The following MYO1E variants were observed in gnomAD, a reference collection of about 807,000 sequenced individuals.
The protein encoded by MYO1E is unconventional myosin-Ie.
In MYO1E, 68 loss-of-function variants were observed where a neutral mutation model predicts 151.1. That is an observed-to-expected ratio of 0.45 (90% CI 0.37 to 0.55). The LOEUF (loss-of-function observed/expected upper bound fraction) is 0.55, where lower values mean the gene tolerates loss of function less well. Among genes scored for constraint, MYO1E ranks in the 20% least tolerant of loss-of-function variants. The probability of loss-of-function intolerance (pLI) is 0.00; values close to 1 mark genes in which losing one functional copy is unlikely to be tolerated. For missense variants in MYO1E, 1,363 were observed against 1,389.3 expected (o/e 0.98, Z 0.30); for synonymous variants, 601 against 501.7 (o/e 1.20, Z -2.64).
intron 26 of MYO1E, 82 bp downstream of exon 26, chr15:59,153,508 G>A (rs1596343877): frequency 1.4e-6 from 2 of 1,440,556 alleles, no homozygotes; most frequent in Middle Eastern, 2.4e-4. Context: ...TGTATTGACA[G>A]CCCACAGGAA....
rs1295660117 is a variant in MYO1E at position 59,372,458 on chromosome 15, C to G, written c.3+40G>C. On this transcript the variant is annotated intron_variant, in intron 1 of 27. Transcript: ENST00000288235. ...CCACGCCGGGGTTTCCTGCCCCGTC[C>G]CCGGGTCCGGCGTCCTAGGACGCGG... is the stretch of plus-strand genomic sequence containing the variant. 4 of 1,537,070 alleles carry G rather than the reference C, an allele frequency of 2.6e-6. No individual in the cohort carries two copies. In the Admixed American group the frequency reaches 5.9e-5, roughly 23 times the overall value.
chr15:59,235,907 TTTC>T (rs777605403), intron 5 of MYO1E, among the ~76,000 whole-genome samples: 1 of 152,198 alleles, frequency 6.6e-6, no homozygotes, highest in African/African-American at 2.4e-5. Context: ...AATTTGCATT[TTTC>T]TTCTTATCAT....
chr15:59,314,547 C>T (rs2080573809), intron 1 of MYO1E, among the ~76,000 whole-genome samples: 1 of 152,148 alleles, frequency 6.6e-6, no homozygotes, highest in South Asian at 2.1e-4. Flanking sequence ...AGTGATCTCA[C>T]TCCCAGAAAT....
intron 4 of MYO1E, among the ~76,000 whole-genome samples, chr15:59,243,934 G>A (rs1299621841): frequency 6.6e-5 from 10 of 151,672 alleles, no homozygotes; most frequent in African/African-American, 2.4e-4. Context: ...ACAGAAACAA[G>A]TCGGAGGTGA....
chr15:59,268,718 G>GTCTTTTTTTTTTTTTTTTTTTTT (rs1452818863), intron 2 of MYO1E, among the ~76,000 whole-genome samples: 1 of 12,044 alleles, frequency 8.3e-5, no homozygotes, highest in Non-Finnish European at 4.1e-4. Flanking sequence ...GGTGACTTTG[G>GTCTTTTTTTTTTTTTTTTTTTTT]TATTTTTTTT....
intron 4 of MYO1E, among the ~76,000 whole-genome samples, chr15:59,255,403 A>AT (rs1219292361): frequency 6.6e-6 from 1 of 150,766 alleles, no homozygotes; most frequent in Non-Finnish European, 1.5e-5. Flanking sequence ...TTATTTTATT[A>AT]TTTTTTTTCA....
intron 5 of MYO1E, among the ~76,000 whole-genome samples, chr15:59,236,363 A>T (rs866013829): frequency 0.011 from 682 of 60,796 alleles, 40 homozygotes; most frequent in African/African-American, 0.03. Context: ...AAAAAAAAAA[A>T]ATATATACAC....
Position 59,153,663 on chromosome 15 carries a change from T to C in MYO1E, c.3007A>G (p.Thr1003Ala), listed in dbSNP as rs762762940. 72 of 1,614,044 alleles carry C rather than the reference T, an allele frequency of 4.5e-5. No individual in the cohort carries two copies. The Admixed American group carries it at 6.8e-4, about 15-fold the overall frequency. The change falls in exon 26 of 28, where the codon ACC becomes GCC. Residue 1003 changes from threonine (T) to alanine (A), a missense_variant. Coordinates refer to ENST00000288235, the MANE Select transcript of MYO1E (RefSeq NM_004998.4). The part of the protein sequence containing the change: ...ARPPLPRQQS[T>A]SSDRVSQTPE... ...GTCTGTGACACTCGGTCTGAACTGG[T>C]AGACTGCTGCCGAGGCAAGGGCGGG...
chr15:59,227,858 G>A (rs1477849773), intron 6 of MYO1E, among the ~76,000 whole-genome samples: 1 of 152,116 alleles, frequency 6.6e-6, no homozygotes, highest in Non-Finnish European at 1.5e-5. Flanking sequence ...TTTTCCCCCA[G>A]TAGGTGCCTG....
At chr15:59,363,966 G>A (rs1048560891) in intron 1 of MYO1E, among the ~76,000 whole-genome samples, 13 of 152,122 alleles carry the variant, frequency 8.5e-5, no homozygotes, top group Non-Finnish European at 1.8e-4. Flanking sequence ...TAGTAGAGAC[G>A]GGGGTTTTGA....
At position 59,203,660 on chromosome 15, in the gene MYO1E, C is replaced by G. The variant is rs577202774; in HGVS notation, c.1617-1253G>C. On this transcript the variant is annotated intron_variant, in intron 15 of 27. Transcript: ENST00000288235. ...AAGTGCTGTGATTACAGGCATGAGC[C>G]ACTGCACCCAGCCTGAAGATACTTT... Among the ~76,000 whole-genome samples the G allele has an allele frequency of 5.3e-5, 8 of 152,296 alleles. No individual in the cohort carries two copies. In the South Asian group the frequency reaches 1.4e-3, roughly 28 times the overall value.
At chr15:59,208,651 GA>G (rs1306940015) in intron 14 of MYO1E, 29 bp downstream of exon 14, 1 of 1,613,362 alleles carries the variant, frequency 6.2e-7, no homozygotes, top group Non-Finnish European at 8.5e-7. Flanking sequence ...GCTTAAAACA[GA>G]TAGACATTAA....
intron 1 of MYO1E, among the ~76,000 whole-genome samples, chr15:59,322,928 G>A (rs1391897223): frequency 2.6e-5 from 4 of 151,788 alleles, no homozygotes; most frequent in Admixed American, 6.6e-5. Flanking sequence ...TTGGGAGGAC[G>A]AGGTGGGCGG....
intron 1 of MYO1E, among the ~76,000 whole-genome samples, chr15:59,279,745 G>A (rs753749620): frequency 4.6e-5 from 7 of 152,210 alleles, no homozygotes; most frequent in Non-Finnish European, 7.3e-5. Context: ...CATTGGCTGA[G>A]TGGGTTAGAA....
intron 1 of MYO1E, among the ~76,000 whole-genome samples, chr15:59,317,144 T>C (rs2080594233): frequency 6.6e-6 from 1 of 152,194 alleles, no homozygotes; most frequent in South Asian, 2.1e-4. Flanking sequence ...ACTCGATAAA[T>C]ATTGAATGCC....
At chr15:59,334,460 G>A (rs1306598603) in intron 1 of MYO1E, among the ~76,000 whole-genome samples, 2 of 133,588 alleles carry the variant, frequency 1.5e-5, no homozygotes, top group African/African-American at 5.4e-5. Context: ...TACTTTGTAC[G>A]CATATGTTGT....
At position 59,308,697 on chromosome 15, in the gene MYO1E, G is replaced by A. The variant is rs548645973; in HGVS notation, c.4-36248C>T. 4.2e-4 allele frequency among the ~76,000 whole-genome samples: 62 copies of A among 147,670 alleles called. 1 individual carries two copies. In the South Asian group the frequency reaches 0.013, roughly 31 times the overall value. On this transcript the variant is annotated intron_variant, in intron 1 of 27. Coordinates refer to ENST00000288235, the MANE Select transcript of MYO1E (RefSeq NM_004998.4). Reference sequence around the variant, plus strand: ...AAAAAAAAAAAAAAAAAATTAGCTGGGCATGGTGGCAGGTGCCCCTAATCC... The same window carrying A: ...AAAAAAAAAAAAAAAAAATTAGCTGAGCATGGTGGCAGGTGCCCCTAATCC...
intron 1 of MYO1E, among the ~76,000 whole-genome samples, chr15:59,340,794 C>T (rs568222540): frequency 6.6e-6 from 1 of 151,896 alleles, no homozygotes; most frequent in African/African-American, 2.4e-5. Context: ...GAGGCTGAGG[C>T]GGGAGGATCA....
Position 59,161,060 on chromosome 15 carries a change from G to A in MYO1E, c.2785+13C>T, listed in dbSNP as rs767983749. On this transcript the variant is annotated intron_variant, in intron 24 of 27. Transcript: ENST00000288235. ...GGCGGCAGTTCTGCCTGCAGGGCCC[G>A]TGGAGCACTTACGGGAGTTCTTGGG... 15 of 1,612,466 alleles carry A rather than the reference G, an allele frequency of 9.3e-6. No individual in the cohort carries two copies. The highest frequency in any genetic ancestry group is 9.3e-6 in the Non-Finnish European group (11 of 1,179,998).
Sources: allele counts gnomAD v4.1 joint callset (sites outside exome capture counted in the v4.1 genomes callset), GRCh38; gene constraint gnomAD v4.1.1; transcripts MANE v1.5; gene names NCBI Gene and HGNC (gene_info 2026-07-23, HGNC 2026-07-21).